DCLK2: variants seen among roughly 807,000 people sequenced by gnomAD.
DCLK2 encodes doublecortin like kinase 2.
A neutral mutation model predicts 78.4 loss-of-function variants in DCLK2; 31 were observed. The ratio of observed to expected loss-of-function variants is 0.40; its 90% CI spans 0.30 to 0.53. The LOEUF (loss-of-function observed/expected upper bound fraction) is 0.53, where lower values mean the gene tolerates loss of function less well. DCLK2 is among the 20% of genes least tolerant of loss of function. DCLK2 has a pLI of 0.61. For missense variants in DCLK2, 872 were observed against 973.7 expected (o/e 0.90, Z 1.39); for synonymous variants, 407 against 374.9 (o/e 1.09, Z -0.99).
Position 150,099,906 on chromosome 4 carries a change from A to G in DCLK2, c.422-2572A>G, listed in dbSNP as rs190666793. Among the ~76,000 whole-genome samples the G allele has an allele frequency of 3.3e-5, 5 of 152,252 alleles. No individual in the cohort carries two copies. The East Asian group carries it at 7.7e-4, about 24-fold the overall frequency. ...TACAAGTTTATGATGGAACTAGTCTACAAGTTTGGTTTGTTTGCTTTATGG... is the reference window on the plus strand; with the variant it reads ...TACAAGTTTATGATGGAACTAGTCTGCAAGTTTGGTTTGTTTGCTTTATGG... On this transcript the variant is annotated intron_variant, in intron 1 of 15. Transcript: ENST00000296550.
At chr4:150,156,703 A>T (rs187699233) in intron 2 of DCLK2, among the ~76,000 whole-genome samples, 2 of 151,698 alleles carry the variant, frequency 1.3e-5, no homozygotes, top group East Asian at 3.9e-4. Flanking sequence ...TCCACACACC[A>T]AAAGAATATG....
intron 5 of DCLK2, among the ~76,000 whole-genome samples, chr4:150,220,413 G>A (rs1404458587): frequency 6.6e-6 from 1 of 152,058 alleles, no homozygotes; most frequent in Non-Finnish European, 1.5e-5. Flanking sequence ...ATCTTATCCA[G>A]CTATCATGCC....
chr4:150,163,566 G>A (rs1735859936), intron 2 of DCLK2, among the ~76,000 whole-genome samples: 1 of 151,992 alleles, frequency 6.6e-6, no homozygotes. Flanking sequence ...TAATCTCTCT[G>A]AGCCCATTTC....
intron 2 of DCLK2, among the ~76,000 whole-genome samples, chr4:150,177,750 A>G (rs757959590): frequency 5.9e-5 from 9 of 152,364 alleles, no homozygotes; most frequent in Non-Finnish European, 1.3e-4. Context: ...AGACATAATC[A>G]GTATGACATA....
chr4:150,168,046 G>C (rs1736226508), intron 2 of DCLK2, among the ~76,000 whole-genome samples: 1 of 152,154 alleles, frequency 6.6e-6, no homozygotes, highest in Non-Finnish European at 1.5e-5. Flanking sequence ...ATGCCAACGT[G>C]TAAAACCCCA....
chr4:150,126,161 A>G (rs1732904829), intron 2 of DCLK2, among the ~76,000 whole-genome samples: 1 of 152,070 alleles, frequency 6.6e-6, no homozygotes, highest in African/African-American at 2.4e-5. Context: ...CTAAGAAGCC[A>G]TTCTTACAGT....
At chr4:150,085,281 T>C (rs2150131583) in intron 1 of DCLK2, among the ~76,000 whole-genome samples, 1 of 152,342 alleles carries the variant, frequency 6.6e-6, no homozygotes, top group African/African-American at 2.4e-5. Flanking sequence ...TCTCTTGCTA[T>C]AACAGAATAC....
rs562778490 is a variant in DCLK2 at position 150,257,129 on chromosome 4, G to A, written c.*882G>A. On this transcript the variant is annotated 3_prime_UTR_variant, in exon 16 of 16. Coordinates refer to ENST00000296550, the MANE Select transcript of DCLK2 (RefSeq NM_001040260.4). ...AGAATGAGCTCTGCTCCTGAGCCCC[G>A]GTAGCTGCTTCCTCATCTGCATTTC... 2.6e-5 allele frequency: 4 copies of A among 152,598 alleles called. No individual in the cohort carries two copies. The highest frequency in any genetic ancestry group is 3.9e-4 in the East Asian group (2 of 5,174). The allele number at this position is 152,598 out of a possible 1,614,324, so 9.5% of individuals were successfully genotyped here.
chr4:150,203,057 C>T (rs1435629554), intron 4 of DCLK2, among the ~76,000 whole-genome samples: 8 of 152,028 alleles, frequency 5.3e-5, no homozygotes, highest in Non-Finnish European at 1.2e-4. Context: ...TTCTGTACTA[C>T]ATAATTCTAG....
chr4:150,241,325 A>C (rs1457822495), intron 12 of DCLK2, among the ~76,000 whole-genome samples: 1 of 152,174 alleles, frequency 6.6e-6, no homozygotes, highest in Non-Finnish European at 1.5e-5. Flanking sequence ...AGGGCACGGG[A>C]GCACACTCAT....
chr4:150,198,145 A>T, intron 4 of DCLK2, 42 bp downstream of exon 4: 2 of 1,523,720 alleles, frequency 1.3e-6, no homozygotes, highest in Non-Finnish European at 9.0e-7. Context: ...GCAGGAACAG[A>T]TCATTTTCCT....
rs545818089 is a variant in DCLK2, at chr4:150,142,007, C to T, written c.756+39195C>T. Among the ~76,000 whole-genome samples the T allele has an allele frequency of 3.2e-4, 48 of 152,194 alleles. No homozygotes were observed. The South Asian group carries it at 9.3e-3, about 30-fold the overall frequency. ...TCTCTTTCAGGAAAAATTTCTGTAA[C>T]AATGAAATCATACTATATTAAATTA... On this transcript the variant is annotated intron_variant, in intron 2 of 15. Coordinates refer to ENST00000296550, the MANE Select transcript of DCLK2 (RefSeq NM_001040260.4).
At chr4:150,162,848 T>G (rs1560823954) in intron 2 of DCLK2, among the ~76,000 whole-genome samples, 1 of 152,180 alleles carries the variant, frequency 6.6e-6, no homozygotes, top group Non-Finnish European at 1.5e-5. Context: ...AACCTAGAAG[T>G]AGCTGCAACA....
At chr4:150,219,429 T>G (rs1467120877) in intron 5 of DCLK2, among the ~76,000 whole-genome samples, 2 of 151,962 alleles carry the variant, frequency 1.3e-5, no homozygotes, top group Non-Finnish European at 2.9e-5. Flanking sequence ...GCCTGGGCGA[T>G]TTTGTATTTT....
chr4:150,220,411 C>T (rs1174484157), intron 5 of DCLK2, among the ~76,000 whole-genome samples: 1 of 152,114 alleles, frequency 6.6e-6, no homozygotes, highest in African/African-American at 2.4e-5. Context: ...CTATCTTATC[C>T]AGCTATCATG....
intron 10 of DCLK2, among the ~76,000 whole-genome samples, chr4:150,236,701 GAC>G (rs1166159811): frequency 6.6e-6 from 1 of 152,166 alleles, no homozygotes; most frequent in Non-Finnish European, 1.5e-5. Context: ...CTGCTTTGAA[GAC>G]AGTCTCTCAC....
chr4:150,203,657 G>A (rs1027583228), intron 4 of DCLK2, 138 bp from the exon 5 acceptor site: 9 of 419,362 alleles, frequency 2.1e-5, no homozygotes, highest in African/African-American at 2.1e-4. Context: ...GCTTTTTGCT[G>A]ATTTGCCGTC....
chr4:150,219,406 C>G (rs1741000830), intron 5 of DCLK2, among the ~76,000 whole-genome samples: 1 of 151,902 alleles, frequency 6.6e-6, no homozygotes, highest in Non-Finnish European at 1.5e-5. Flanking sequence ...GGATTACAGT[C>G]ATGTGTCACC....
At chr4:150,246,818 G>C (rs1317972804) in intron 12 of DCLK2, among the ~76,000 whole-genome samples, 1 of 152,146 alleles carries the variant, frequency 6.6e-6, no homozygotes, top group Admixed American at 6.5e-5. Context: ...GTGCACCTCC[G>C]AGGGTGGGTC....
Sources: gnomAD v4.1 joint callset for allele counts (sites outside exome capture counted in the v4.1 genomes callset) on GRCh38, gnomAD v4.1.1 for gene constraint, MANE v1.5 for transcripts, NCBI Gene and HGNC (gene_info 2026-07-23, HGNC 2026-07-21) for gene names.